MGAM: variants seen among roughly 807,000 people sequenced by gnomAD.
MGAM encodes the protein maltase-glucoamylase.
Under a neutral mutation model 358.8 loss-of-function variants are expected in MGAM, and 253 were observed. That is an observed-to-expected ratio of 0.71 (90% CI 0.64 to 0.78). MGAM has a LOEUF of 0.78. MGAM is among the 30% of genes least tolerant of loss of function. The pLI is 0.00. For synonymous variants in MGAM, 1,105 were observed against 1,227.1 expected (o/e 0.90, Z 2.08); for missense variants, 3,080 against 3,432.6 (o/e 0.90, Z 2.57).
At chr7:142,079,484 G>C (rs1216258681) in intron 49 of MGAM, among the ~76,000 whole-genome samples, 1 of 145,836 alleles carries the variant, frequency 6.9e-6, no homozygotes, top group Non-Finnish European at 1.6e-5. Context: ...TGGGAATACT[G>C]AAAAGGTTTG....
intron 70 of MGAM, 137 bp downstream of exon 70, chr7:142,103,576 A>C (rs547284179): frequency 1.3e-6 from 1 of 778,918 alleles, no homozygotes; most frequent in Non-Finnish European, 1.9e-6. Context: ...ATGTGTTAGG[A>C]ATGGACCACG....
chr7:142,105,578 G>A (rs569138738), intron 70 of MGAM, among the ~76,000 whole-genome samples: 35 of 152,136 alleles, frequency 2.3e-4, no homozygotes, highest in Non-Finnish European at 2.9e-4. Context: ...GTGAGCCACC[G>A]CACCCGGCCC....
At chr7:141,993,614 G>T (rs1431644769), upstream of MGAM, among the ~76,000 whole-genome samples, 1 of 152,192 alleles carries the variant, frequency 6.6e-6, no homozygotes, top group African/African-American at 2.4e-5. Flanking sequence ...GGGGTTTGTA[G>T]ATATAATTCT....
At chr7:142,050,897 A>C in intron 24 of MGAM, 33 bp downstream of exon 24, 1 of 1,612,808 alleles carries the variant, frequency 6.2e-7, no homozygotes, top group Non-Finnish European at 8.5e-7. Flanking sequence ...TGGTACATTG[A>C]GAATTCTCCA....
intron 27 of MGAM, 56 bp downstream of exon 27, chr7:142,054,964 G>T: frequency 5.7e-6 from 9 of 1,573,722 alleles, no homozygotes; most frequent in Non-Finnish European, 7.8e-6. Flanking sequence ...TTCGCTGCCA[G>T]GTCCATTGTC....
chr7:142,018,351 C>T (rs1488040652), intron 3 of MGAM, among the ~76,000 whole-genome samples: 1 of 152,216 alleles, frequency 6.6e-6, no homozygotes, highest in Non-Finnish European at 1.5e-5. Context: ...AGTGTGACAA[C>T]TTGCCTCTCC....
rs1320168257 is a variant in MGAM, at chr7:142,030,446, T to A, written c.1306T>A (p.Phe436Ile). ...DSVDFKGFPE[F>I]VNELHNNGQK... ...AGTGGATTTTAAAGGCTTCCCTGAATTTGTCAACGAGTTACACAATAATGG... is the reference window on the plus strand; with the variant it reads ...AGTGGATTTTAAAGGCTTCCCTGAAATTGTCAACGAGTTACACAATAATGG... The change falls in exon 11 of 71, where the codon TTT (phenylalanine) becomes ATT (isoleucine). Residue 436 changes from phenylalanine to isoleucine, a missense_variant. Coordinates refer to ENST00000475668, the MANE Select transcript of MGAM (RefSeq NM_001365693.1). The A allele has an allele frequency of 3.6e-5, 58 of 1,613,564 alleles. No homozygotes were observed. The highest frequency in any genetic ancestry group is 4.7e-5 in the Non-Finnish European group (55 of 1,179,750).
chr7:142,102,787 G>T, intron 69 of MGAM, 108 bp downstream of exon 69: 1 of 1,091,984 alleles, frequency 9.2e-7, no homozygotes, highest in Non-Finnish European at 1.3e-6. Context: ...TGCTCATCTT[G>T]CTAATTCACA....
In MGAM at chr7:142,097,574, T is replaced by A. The variant is rs1223829920; in HGVS notation, c.7693-19T>A. On this transcript the variant is annotated intron_variant, in intron 65 of 70. Transcript: ENST00000475668. ...GGAAAATGGTGCCACTGCCACACCT[T>A]GTTTATGTTTCATTTTAGAATGCCA... The A allele has an allele frequency of 3.7e-6, 6 of 1,609,382 alleles. No homozygotes were observed. The highest frequency in any genetic ancestry group is 5.1e-6 in the Non-Finnish European group (6 of 1,175,834).
intron 64 of MGAM, chr7:142,096,001 A>G (rs1057136229): frequency 6.8e-5 from 41 of 600,440 alleles, no homozygotes; most frequent in Non-Finnish European, 1.1e-4. Context: ...CAGTTTGGTT[A>G]TATGTAGCCA....
intron 25 of MGAM, 29 bp downstream of exon 25, chr7:142,052,475 T>C (rs1487190579): frequency 6.2e-7 from 1 of 1,611,154 alleles, no homozygotes; most frequent in Admixed American, 1.7e-5. Context: ...TTTGTGTGCA[T>C]GAGAATCTCC....
chr7:142,001,004 C>T (rs1375434654), intron 1 of MGAM, among the ~76,000 whole-genome samples: 2 of 152,212 alleles, frequency 1.3e-5, no homozygotes, highest in East Asian at 1.9e-4. Context: ...CTTGGATAGA[C>T]ATTCTAACTC....
intron 2 of MGAM, 65 bp downstream of exon 2, chr7:142,005,722 C>A: frequency 6.7e-7 from 1 of 1,484,818 alleles, no homozygotes; most frequent in South Asian, 1.2e-5. Context: ...TCAACAATGT[C>A]AGGAAAGTAA....
chr7:142,050,585 A>T, intron 23 of MGAM, 112 bp from the exon 24 acceptor site: 1 of 1,103,552 alleles, frequency 9.1e-7, no homozygotes, highest in Non-Finnish European at 1.3e-6. Context: ...GAAAGCAGAG[A>T]GGCATTTATG....
chr7:142,060,621 A>C (rs114985428), intron 34 of MGAM, among the ~76,000 whole-genome samples: 200 of 152,266 alleles, frequency 1.3e-3, no homozygotes, highest in African/African-American at 4.8e-3. Flanking sequence ...TTATTTGTTC[A>C]CAGTTTTAGG....
chr7:142,037,040 C>T, intron 18 of MGAM, 63 bp downstream of exon 18: 1 of 1,499,328 alleles, frequency 6.7e-7, no homozygotes, highest in Non-Finnish European at 9.2e-7. Context: ...ACTATATCAT[C>T]AAATATCAGA....
intron 8 of MGAM, 58 bp from the exon 9 acceptor site, chr7:142,027,057 T>C (rs1406176380): frequency 1.1e-5 from 14 of 1,261,300 alleles, no homozygotes; most frequent in Non-Finnish European, 1.6e-5. Context: ...TTAAAACTTG[T>C]AGTTACTATT....
At chr7:142,085,805 C>T in intron 54 of MGAM, 28 bp from the exon 55 acceptor site, 1 of 1,558,788 alleles carries the variant, frequency 6.4e-7, no homozygotes, top group African/African-American at 1.3e-5. Context: ...ACAGCAGCAG[C>T]CTCTCAGCTC....
At chr7:142,038,666 G>T (rs1248503824) in intron 19 of MGAM, 51 bp downstream of exon 19, 3 of 1,361,988 alleles carry the variant, frequency 2.2e-6, no homozygotes, top group Admixed American at 2.3e-5. Flanking sequence ...TGTATCTGCT[G>T]CCCTGCAAAC....
Sources: allele counts gnomAD v4.1 joint callset (sites outside exome capture counted in the v4.1 genomes callset), GRCh38; gene constraint gnomAD v4.1.1; transcripts MANE v1.5; gene names NCBI Gene and HGNC (gene_info 2026-07-23, HGNC 2026-07-21).